The following NUP214 variants were observed in gnomAD, a reference collection of about 807,000 sequenced individuals.
NUP214 encodes nuclear pore complex protein Nup214.
NUP214 carries 79 observed loss-of-function variants against 196.2 expected under a neutral mutation model. The observed-to-expected ratio is 0.40, with a 90% CI of 0.34 to 0.49. The LOEUF is 0.49. Ranked by LOEUF, NUP214 falls within the 20% of genes least tolerant of loss-of-function variation. The pLI is 0.58. For missense variants in NUP214, 2,468 were observed against 2,539.0 expected (o/e 0.97, Z 0.60); for synonymous variants, 1,020 against 990.5 (o/e 1.03, Z -0.56).
At chr9:131,229,435 T>C (rs924922431) in intron 33 of NUP214, 1 of 294,882 alleles carries the variant, frequency 3.4e-6, no homozygotes, top group African/African-American at 2.3e-5. Context: ...TCTGCAGTGA[T>C]GAACCAGCAC....
chr9:131,215,108 T>C, intron 30 of NUP214, 104 bp from the exon 31 acceptor site: 1 of 1,089,612 alleles, frequency 9.2e-7, no homozygotes, highest in Non-Finnish European at 1.3e-6. Context: ...AATCTTGCTT[T>C]TTCCATTTGT....
At chr9:131,163,996 C>G in intron 20 of NUP214, 41 bp downstream of exon 20, 1 of 1,611,946 alleles carries the variant, frequency 6.2e-7, no homozygotes, top group Non-Finnish European at 8.5e-7. Context: ...CCTTTATTCT[C>G]TTCCAAGTAC....
In NUP214 at chr9:131,159,421, C is replaced by G; in HGVS notation, c.2475C>G (p.Val825=). 1 of 1,613,858 alleles carries G rather than the reference C, an allele frequency of 6.2e-7. No individual in the cohort carries two copies. Among genetic ancestry groups the G allele is most frequent in the East Asian group, 2.2e-5 (1 of 44,864 alleles). ...RRLHQYVKFA[V]QDVNDVLDLE... ...TTCATCAGTATGTGAAATTTGCTGT[C>G]CAAGATGTGAATGATGTTCTAGACT... is the stretch of plus-strand genomic sequence containing the variant. Residue 825 remains valine, a synonymous_variant, in exon 18 of 36, where the codon GTC becomes GTG. Transcript: ENST00000359428.
At chr9:131,207,925 G>A (rs538164151) in intron 30 of NUP214, among the ~76,000 whole-genome samples, 7 of 152,086 alleles carry the variant, frequency 4.6e-5, no homozygotes, top group African/African-American at 1.7e-4. Context: ...CAGTGATGGG[G>A]GCAAGCAAAA....
intron 31 of NUP214, among the ~76,000 whole-genome samples, chr9:131,218,495 C>G (rs1834465900): frequency 6.6e-6 from 1 of 152,116 alleles, no homozygotes; most frequent in Non-Finnish European, 1.5e-5. Context: ...TGAACTGATT[C>G]TCCTGGTTCC....
rs762029109 is a variant in NUP214 at position 131,198,410 on chromosome 9, C to A, written c.4916C>A (p.Thr1639Asn). The stretch of plus-strand genomic sequence containing the variant: ...GAGGCAGCAGCATTTGGTACCGTCA[C>A]TTCTGGCTCATCCGTCTTTGCTCAG... Reference protein sequence around the residue: ...SAEAAAFGTVTSGSSVFAQPP... With the variant: ...SAEAAAFGTVNSGSSVFAQPP... Residue 1639 changes from threonine (T) to asparagine (N), a missense_variant, in exon 29 of 36, where the codon ACT becomes AAT. Thr to Asn is a moderately conservative substitution (Grantham distance 65). This residue lies in a region of NUP214 where 1,801 missense variants were observed against 1,779.4 expected (regional missense o/e 1.01). Transcript: ENST00000359428. 6.2e-7 allele frequency: 1 copy of A among 1,614,154 alleles called. No homozygotes were observed. The highest frequency in any genetic ancestry group is 2.2e-5 in the East Asian group (1 of 44,902).
At chr9:131,143,725 G>T (rs1418581456) in intron 11 of NUP214, among the ~76,000 whole-genome samples, 1 of 151,674 alleles carries the variant, frequency 6.6e-6, no homozygotes, top group Non-Finnish European at 1.5e-5. Flanking sequence ...ATTTGCTATG[G>T]ATCTTTTTTT....
intron 24 of NUP214, chr9:131,187,072 A>G: frequency 1.9e-6 from 1 of 531,478 alleles, no homozygotes; most frequent in East Asian, 3.1e-5. Flanking sequence ...GAAATAAGTT[A>G]TAAGGCCACT....
At chr9:131,183,228 G>A (rs188091377) in intron 24 of NUP214, among the ~76,000 whole-genome samples, 267 of 152,204 alleles carry the variant, frequency 1.8e-3, no homozygotes, top group African/African-American at 6.1e-3. Flanking sequence ...GGGATTACAG[G>A]TGCCCACCAT....
intron 29 of NUP214, among the ~76,000 whole-genome samples, chr9:131,201,276 G>C (rs1833930781): frequency 6.6e-6 from 1 of 151,682 alleles, no homozygotes; most frequent in Admixed American, 6.6e-5. Context: ...AGACCATCCT[G>C]GCCAACATGG....
chr9:131,181,808 C>T (rs768291699), intron 24 of NUP214, among the ~76,000 whole-genome samples: 4 of 152,116 alleles, frequency 2.6e-5, no homozygotes, highest in South Asian at 2.1e-4. Flanking sequence ...TCCTTTGACA[C>T]GAAAATTTAG....
chr9:131,163,163 A>G lies in NUP214; in HGVS notation c.2713A>G (p.Ser905Gly). The change falls in exon 19 of 36, where the codon AGC (serine) becomes GGC (glycine). Residue 905 changes from serine to glycine, a missense_variant. This residue lies in a region of NUP214 where 1,801 missense variants were observed against 1,779.4 expected (regional missense o/e 1.01). Coordinates refer to ENST00000359428, the MANE Select transcript of NUP214 (RefSeq NM_005085.4). Reference protein sequence around the residue: ...SLSSAVPSQSSIHSFDSDLES... With the variant: ...SLSSAVPSQSGIHSFDSDLES... ...GTCCTCGGCTGTTCCTTCCCAGAGC[A>G]GCATTCACAGGTGTGGAGAGGACTT... is the stretch of plus-strand genomic sequence containing the variant. 1 of 1,611,248 alleles carries G rather than the reference A, an allele frequency of 6.2e-7. No individual in the cohort carries two copies. The highest frequency in any genetic ancestry group is 8.5e-7 in the Non-Finnish European group (1 of 1,179,174).
rs1013157076 is a variant in NUP214 at position 131,193,316 on chromosome 9, G to A, written c.3659+1024G>A. Among the ~76,000 whole-genome samples, 10 of 152,276 alleles carry A rather than the reference G, an allele frequency of 6.6e-5. No homozygotes were observed. In the South Asian group the frequency reaches 1.9e-3, roughly 28 times the overall value. On this transcript the variant is annotated intron_variant, in intron 27 of 35. Transcript: ENST00000359428. ...TTGCCATTGAAGCATTGTGCATTCAGTTCCTTAGAAAAGCCTCTTAAGTTC... is the reference window on the plus strand; with the variant it reads ...TTGCCATTGAAGCATTGTGCATTCAATTCCTTAGAAAAGCCTCTTAAGTTC...
chr9:131,127,871 G>A, intron 2 of NUP214, 152 bp downstream of exon 2: 1 of 619,026 alleles, frequency 1.6e-6, no homozygotes, highest in South Asian at 2.1e-5. Context: ...GCCTTTCTAG[G>A]TTTTCTCCTT....
intron 21 of NUP214, among the ~76,000 whole-genome samples, chr9:131,171,040 A>G (rs1832943480): frequency 6.8e-6 from 1 of 146,494 alleles, no homozygotes; most frequent in Non-Finnish European, 1.5e-5. Context: ...CGTAGAGTGT[A>G]AACAGAATAA....
In NUP214 at chr9:131,130,137, G is replaced by GTTTT. The variant is rs757856001; in HGVS notation, c.593-619_593-616dup. Among the ~76,000 whole-genome samples, 247 of 76,916 alleles carry GTTTT rather than the reference G, an allele frequency of 3.2e-3. 58 individuals carry two copies. Among genetic ancestry groups the GTTTT allele is most frequent in the Middle Eastern group, 0.042 (2 of 48 alleles). The allele number at this position is 76,916 out of a possible 152,430, so 50.5% of individuals were successfully genotyped here. Reference sequence around the variant, plus strand: ...GAGCAGGAGAATGATTTCTGGTTTTGTTTTTTTTTTTTTGTTTTTTTTTTG... The same window carrying GTTTT: ...GAGCAGGAGAATGATTTCTGGTTTTGTTTTTTTTTTTTTTTTTGTTTTTTTTTTG... On this transcript the variant is annotated intron_variant, in intron 4 of 35. Coordinates refer to ENST00000359428, the MANE Select transcript of NUP214 (RefSeq NM_005085.4).
intron 31 of NUP214, 132 bp downstream of exon 31, chr9:131,215,500 C>A: frequency 9.9e-7 from 1 of 1,007,166 alleles, no homozygotes; most frequent in Non-Finnish European, 1.4e-6. Context: ...ATATCTTCCC[C>A]AAAGCAGTGT....
At chr9:131,204,298 AAGAACCAAAT>A (rs899899747) in intron 30 of NUP214, among the ~76,000 whole-genome samples, 1 of 152,260 alleles carries the variant, frequency 6.6e-6, no homozygotes, top group Non-Finnish European at 1.5e-5. Context: ...AAATTTGAAG[AAGAACCAAAT>A]AGAATTTCTA....
Position 131,150,360 on chromosome 9 carries a change from G to A in NUP214, c.2077G>A (p.Gly693Arg), listed in dbSNP as rs763208304. ...TCAGCCTGCTGTTGCAGAAAAGCAG[G>A]GACATCAGTGGAAAGATTCAGATCC... ...SLQPAVAEKQ[G>R]HQWKDSDPVM... Residue 693 changes from glycine to arginine, a missense_variant, in exon 15 of 36, where the codon GGA (glycine) becomes AGA (arginine). Physicochemically the swap from Gly to Arg is moderately radical, Grantham distance 125 (BLOSUM62 -2). Coordinates refer to ENST00000359428, the MANE Select transcript of NUP214 (RefSeq NM_005085.4). The A allele has an allele frequency of 1.2e-6, 2 of 1,614,072 alleles. No homozygotes were observed. Among genetic ancestry groups the A allele is most frequent in the Admixed American group, 1.7e-5 (1 of 60,010 alleles).
Sources: allele counts gnomAD v4.1 joint callset (sites outside exome capture counted in the v4.1 genomes callset), GRCh38; gene constraint gnomAD v4.1.1; regional missense constraint gnomAD v4.1.1; transcripts MANE v1.5; gene names NCBI Gene and HGNC (gene_info 2026-07-23, HGNC 2026-07-21).